The following OR2T2 variants were observed in gnomAD, a reference collection of about 807,000 sequenced individuals.
OR2T2 encodes the protein olfactory receptor 2T2.
For synonymous variants in OR2T2, 50 were observed against 162.7 expected, an observed-to-expected ratio of 0.31 and a Z score of 5.27; for missense variants, 138 against 409.1, an observed-to-expected ratio of 0.34 and a Z score of 5.72.
intron 2 of OR2T2, among the ~76,000 whole-genome samples, chr1:248,447,986 T>C (rs1662707226): frequency 6.6e-6 from 1 of 152,402 alleles, no homozygotes; most frequent in Admixed American, 6.5e-5. Flanking sequence ...CTCTGTGTAG[T>C]TGATTCACAC....
At chr1:248,447,432 G>A (rs1309001514) in intron 2 of OR2T2, among the ~76,000 whole-genome samples, 2 of 133,378 alleles carry the variant, frequency 1.5e-5, no homozygotes, top group Non-Finnish European at 3.1e-5. Flanking sequence ...ATTTCTCGAC[G>A]CTGAGTTCTG....
exon 3 of OR2T2, chr1:248,453,975 A>T (rs77327767): frequency 1.2e-5 from 7 of 587,780 alleles, no homozygotes; most frequent in African/African-American, 1.2e-4. Context: ...CAGCAATTCA[A>T]AATTAACAGG....
At chr1:248,449,966 C>T (rs1417300340) in intron 2 of OR2T2, among the ~76,000 whole-genome samples, 1 of 138,100 alleles carries the variant, frequency 7.2e-6, no homozygotes, top group Non-Finnish European at 1.5e-5. Context: ...AGTCAAACCA[C>T]ACATCGTAAT....
chr1:248,446,063 T>C (rs112869397), intron 1 of OR2T2, among the ~76,000 whole-genome samples: 7,818 of 138,642 alleles, frequency 0.056, 185 homozygotes, highest in East Asian at 0.13. Context: ...CTCTGAATAT[T>C]TTGTTAAAAT....
At chr1:248,451,475 TTTC>T (rs1187502361) in intron 2 of OR2T2, among the ~76,000 whole-genome samples, 1 of 116,384 alleles carries the variant, frequency 8.6e-6, no homozygotes, top group Non-Finnish European at 1.6e-5. Flanking sequence ...TAGTTTTTGT[TTTC>T]TTGTTTTGTT....
In OR2T2 at chr1:248,449,836, T is replaced by TTTC. The variant is rs1662751951; in HGVS notation, c.-22-2938_-22-2937insCTT. Among the ~76,000 whole-genome samples the TTTC allele has an allele frequency of 2.2e-5, 3 of 134,972 alleles. 1 individual carries two copies. Among genetic ancestry groups the TTTC allele is most frequent in the African/African-American group, 1.0e-4 (3 of 28,950 alleles). The allele number at this position is 134,972 out of a possible 152,430, so 88.5% of individuals were successfully genotyped here. On this transcript the variant is annotated intron_variant, in intron 2 of 2. Transcript: ENST00000642130. Reference sequence around the variant, plus strand: ...TTTTTCTTTTTCTTTTTCTTTTTTTTTTTTTTTGGAAAGACTAGTTGATGA... The same window carrying TTTC: ...TTTTTCTTTTTCTTTTTCTTTTTTTTTTCTTTTTTTGGAAAGACTAGTTGATGA...
Position 248,455,179 on chromosome 1 carries a change from T to G in OR2T2, c.*1407T>G, listed in dbSNP as rs528928292. On this transcript the variant is annotated 3_prime_UTR_variant, in exon 3 of 3. Coordinates refer to ENST00000642130, the Ensembl canonical transcript of OR2T2. ...ATAAAAAATATTGACGGACCTGGTG[T>G]TTATTTTCTTTGTTGATACGAGGCT... 6 of 145,898 alleles carry G rather than the reference T, an allele frequency of 4.1e-5. No individual in the cohort carries two copies. In the South Asian group the frequency reaches 1.3e-3, roughly 32 times the overall value. The allele number at this position is 145,898 out of a possible 1,614,324, so 9.0% of individuals were successfully genotyped here.
In OR2T2 at chr1:248,449,828, C is replaced by CTTTTTCTT. The variant is rs1553319226; in HGVS notation, c.-22-2943_-22-2942insCTTTTTTT. Among the ~76,000 whole-genome samples, 171 of 115,224 alleles carry CTTTTTCTT rather than the reference C, an allele frequency of 1.5e-3. 5 individuals carry two copies. Among genetic ancestry groups the CTTTTTCTT allele is most frequent in the African/African-American group, 6.0e-3 (117 of 19,534 alleles). 75.6% of individuals were successfully genotyped at this position (115,224 alleles called of 152,430 possible). ...GCTTTTTCTTTTTCTTTTTCTTTTTCTTTTTTTTTTTTTTTGGAAAGACTA... is the reference window on the plus strand; with the variant it reads ...GCTTTTTCTTTTTCTTTTTCTTTTTCTTTTTCTTTTTTTTTTTTTTTTTGGAAAGACTA... On this transcript the variant is annotated intron_variant, in intron 2 of 2. Transcript: ENST00000642130.
At chr1:248,446,477 C>A (rs1297591397) in intron 1 of OR2T2, 112 bp from the exon 2 acceptor site, 1 of 144,740 alleles carries the variant, frequency 6.9e-6, no homozygotes, top group Non-Finnish European at 1.5e-5. Context: ...CTCTCCATTT[C>A]CTCTTCCACA....
rs777942474 is a variant in OR2T2, at chr1:248,449,828, CTTT to C, written c.-22-2935_-22-2933del. The stretch of plus-strand genomic sequence containing the variant: ...GCTTTTTCTTTTTCTTTTTCTTTTT[CTTT>C]TTTTTTTTTTTTGGAAAGACTAGTT... On this transcript the variant is annotated intron_variant, in intron 2 of 2. Coordinates refer to ENST00000642130, the Ensembl canonical transcript of OR2T2. 8.1e-3 allele frequency among the ~76,000 whole-genome samples: 931 copies of C among 114,954 alleles called. 64 individuals carry two copies. The highest frequency in any genetic ancestry group is 0.045 in the African/African-American group (859 of 19,270). 75.4% of individuals were successfully genotyped at this position (114,954 alleles called of 152,430 possible). A position where few individuals can be genotyped will look rare whatever the true frequency, so the allele number is the denominator to read the frequency against.
chr1:248,453,824 G>T lies in OR2T2; in HGVS notation c.*52G>T, dbSNP rs546299495. On this transcript the variant is annotated 3_prime_UTR_variant, in exon 3 of 3. Coordinates refer to ENST00000642130, the Ensembl canonical transcript of OR2T2. ...TGACTGTGATCGGGAAGGATTAGCG[G>T]GGACTCCCAGAGCATCAGGGGTGGT... The T allele has an allele frequency of 5.6e-6, 8 of 1,438,810 alleles. 1 individual carries two copies. In the African/African-American group the frequency reaches 1.3e-4, roughly 23 times the overall value. The allele number at this position is 1,438,810 out of a possible 1,614,324, so 89.1% of individuals were successfully genotyped here.
rs145665149 is a variant in OR2T2 at position 248,453,498 on chromosome 1, G to A, written c.701G>A (p.Gly234Asp). ...GTCCACAGGATGAACTCTGCTGAGG[G>A]CCGGCGCAAAGCCTTTGCTACGTGT... Residue 234 changes from glycine (G) to aspartate (D), a missense_variant, in exon 3 of 3, where the codon GGC becomes GAC. Coordinates refer to ENST00000642130, the Ensembl canonical transcript of OR2T2. 2.0e-4 allele frequency: 316 copies of A among 1,588,406 alleles called. 2 individuals carry two copies. In the African/African-American group the frequency reaches 3.6e-3, roughly 18 times the overall value.
At chr1:248,455,126 CTGTG>C (rs1439095028) in exon 3 of OR2T2, 3 of 150,696 alleles carry the variant, frequency 2.0e-5, no homozygotes, top group Non-Finnish European at 4.4e-5. Flanking sequence ...TTAGTTTCTC[CTGTG>C]TGTAAGGTCC....
chr1:248,450,073 T>G (rs1304153595), intron 2 of OR2T2, among the ~76,000 whole-genome samples: 1 of 149,200 alleles, frequency 6.7e-6, no homozygotes, highest in Non-Finnish European at 1.5e-5. Flanking sequence ...TGCAGATATT[T>G]TCCCTGTCTA....
rs1662710185 is a variant in OR2T2, at chr1:248,448,090, T to A, written c.-23+1279T>A. ...GCTTGTGTTCAAGTAACTCAGTTTT[T>A]CTTAATGGCTCCAAAGAGATGGAGT... On this transcript the variant is annotated intron_variant, in intron 2 of 2. Transcript: ENST00000642130. Among the ~76,000 whole-genome samples, 4 of 152,300 alleles carry A rather than the reference T, an allele frequency of 2.6e-5. No homozygotes were observed. In the South Asian group the frequency reaches 8.3e-4, roughly 32 times the overall value.
At chr1:248,447,969 A>AC (rs1662706345) in intron 2 of OR2T2, among the ~76,000 whole-genome samples, 3 of 152,228 alleles carry the variant, frequency 2.0e-5, no homozygotes, top group Admixed American at 2.0e-4. Context: ...TGGTGGAAAT[A>AC]TCATCCCTCT....
intron 2 of OR2T2, among the ~76,000 whole-genome samples, chr1:248,450,347 C>CTTTTTT (rs201321023): frequency 2.2e-5 from 3 of 139,112 alleles, no homozygotes; most frequent in African/African-American, 9.4e-5. Flanking sequence ...CAAGGAACCT[C>CTTTTTT]TTTTTTTTTT....
chr1:248,447,909 TATTAAATGA>T (rs1286080167), intron 2 of OR2T2, among the ~76,000 whole-genome samples: 272 of 143,620 alleles, frequency 1.9e-3, no homozygotes, highest in African/African-American at 7.2e-3. Flanking sequence ...GTGTAGAAAA[TATTAAATGA>T]AAAATCTCAA....
chr1:248,446,595 C>T (rs1421392139), exon 2 of OR2T2: 2 of 147,032 alleles, frequency 1.4e-5, no homozygotes, highest in African/African-American at 2.8e-5. Context: ...ACAGCGTTAG[C>T]AGGGTGGACT....
Sources: allele counts gnomAD v4.1 joint callset (sites outside exome capture counted in the v4.1 genomes callset), GRCh38; gene constraint gnomAD v4.1.1; transcripts MANE v1.5; gene names NCBI Gene and HGNC (gene_info 2026-07-23, HGNC 2026-07-21).